KIAA1217: variants seen among roughly 807,000 people sequenced by gnomAD.
The protein encoded by KIAA1217 is sickle tail protein homolog.
KIAA1217 carries 88 observed loss-of-function variants against 163.9 expected under a neutral mutation model. The observed-to-expected ratio is 0.54, with a 90% CI of 0.45 to 0.64. KIAA1217 has a LOEUF of 0.64. KIAA1217 is among the 30% of genes least tolerant of loss of function. The pLI is 0.00. For synonymous variants in KIAA1217, 903 were observed against 923.1 expected (o/e 0.98, Z 0.39); for missense variants, 2,372 against 2,475.0 (o/e 0.96, Z 0.88).
intron 2 of KIAA1217, among the ~76,000 whole-genome samples, chr10:24,129,958 G>A (rs935434701): frequency 3.3e-5 from 5 of 151,908 alleles, no homozygotes; most frequent in Admixed American, 6.6e-5. Flanking sequence ...CCCCTGTCCC[G>A]CATAACCTTT....
chr10:24,302,182 A>AT lies in KIAA1217; in HGVS notation c.355-78683dup, dbSNP rs111821331. On this transcript the variant is annotated intron_variant, in intron 2 of 20. Coordinates refer to ENST00000376454, the MANE Select transcript of KIAA1217 (RefSeq NM_019590.5). ...GTAAAAAGCATACAGTTTATATAGC[A>AT]TTTTCACTTAGCACCCTCCACCTAG... Among the ~76,000 whole-genome samples, 592 of 152,294 alleles carry AT rather than the reference A, an allele frequency of 3.9e-3. 6 individuals carry two copies. Among genetic ancestry groups the AT allele is most frequent in the African/African-American group, 0.013 (551 of 41,546 alleles).
chr10:23,964,680 C>T (rs534333691), intron 1 of KIAA1217, among the ~76,000 whole-genome samples: 13 of 152,150 alleles, frequency 8.5e-5, no homozygotes, highest in South Asian at 8.3e-4. Flanking sequence ...CTCAGCCTCC[C>T]GAGTAGCTGG....
chr10:23,925,240 G>A (rs1452591814), intron 1 of KIAA1217, among the ~76,000 whole-genome samples: 3 of 152,126 alleles, frequency 2.0e-5, no homozygotes, highest in African/African-American at 7.2e-5. Context: ...ACTTACAAAG[G>A]CTGGCAATTT....
At chr10:23,894,401 G>C (rs1467059938) in intron 1 of KIAA1217, among the ~76,000 whole-genome samples, 2 of 149,476 alleles carry the variant, frequency 1.3e-5, no homozygotes, top group East Asian at 4.0e-4. Flanking sequence ...TTGCTTCAAA[G>C]AGAATAAAAT....
intron 1 of KIAA1217, among the ~76,000 whole-genome samples, chr10:23,987,785 T>C (rs75332207): frequency 0.022 from 3,353 of 152,288 alleles, 48 homozygotes; most frequent in Middle Eastern, 0.071. Context: ...GACCAACATC[T>C]TCCCAGCTCC....
At position 23,916,745 on chromosome 10, in the gene KIAA1217, G is replaced by A. The variant is rs577810805; in HGVS notation, c.-320-90480G>A. Among the ~76,000 whole-genome samples the A allele has an allele frequency of 7.9e-5, 12 of 151,942 alleles. No homozygotes were observed. In the South Asian group the frequency reaches 8.3e-4, roughly 11 times the overall value. ...TCTCAGCACTTAGGGAGGCTGAGGC[G>A]GGCAGATCACGAGGTCAGAAGATCA... On this transcript the variant is annotated intron_variant, in intron 1 of 18. Coordinates refer to the KIAA1217 transcript ENST00000376462.
chr10:24,099,905 T>C (rs2062341078), intron 2 of KIAA1217, among the ~76,000 whole-genome samples: 2 of 152,072 alleles, frequency 1.3e-5, no homozygotes, highest in South Asian at 4.2e-4. Flanking sequence ...ACTGCAGAGA[T>C]GATTCCCACC....
intron 1 of KIAA1217, among the ~76,000 whole-genome samples, chr10:23,882,368 G>A (rs1589008084): frequency 6.6e-6 from 1 of 151,840 alleles, no homozygotes; most frequent in Non-Finnish European, 1.5e-5. Context: ...CTACCTAGAA[G>A]GGACTGCATA....
intron 2 of KIAA1217, among the ~76,000 whole-genome samples, chr10:24,178,129 G>A (rs1407147478): frequency 1.3e-5 from 2 of 152,190 alleles, no homozygotes; most frequent in Non-Finnish European, 2.9e-5. Context: ...ATGTCATTTA[G>A]CATTGTTTTA....
chr10:24,172,354 T>C, intron 2 of KIAA1217, among the ~76,000 whole-genome samples: 1 of 152,174 alleles, frequency 6.6e-6, no homozygotes, highest in East Asian at 1.9e-4. Flanking sequence ...AGAGACAAGA[T>C]AGACTGCTCT....
chr10:24,323,609 C>CGGCTTCT (rs1349292159), intron 2 of KIAA1217, among the ~76,000 whole-genome samples: 41 of 152,238 alleles, frequency 2.7e-4, no homozygotes, highest in African/African-American at 8.9e-4. Flanking sequence ...ACAGCCTAAT[C>CGGCTTCT]GGCTTCTGGC....
At chr10:24,235,118 A>T (rs2072046505) in intron 2 of KIAA1217, among the ~76,000 whole-genome samples, 1 of 152,184 alleles carries the variant, frequency 6.6e-6, no homozygotes, top group African/African-American at 2.4e-5. Context: ...TAAGGTCTTC[A>T]ACTGATTAAA....
chr10:24,450,997 G>T (rs2061336110), intron 5 of KIAA1217, among the ~76,000 whole-genome samples: 1 of 152,076 alleles, frequency 6.6e-6, no homozygotes, highest in Non-Finnish European at 1.5e-5. Flanking sequence ...TTTTATTTTA[G>T]ATCTGTAGCA....
At chr10:24,442,300 C>T (rs1212372493) in intron 5 of KIAA1217, among the ~76,000 whole-genome samples, 1 of 152,172 alleles carries the variant, frequency 6.6e-6, no homozygotes, top group Non-Finnish European at 1.5e-5. Context: ...CATTCCCTAA[C>T]TCTTCTTCCT....
chr10:24,542,653 G>A (rs2075266075), intron 17 of KIAA1217, 40 bp from the exon 18 acceptor site: 2 of 1,600,328 alleles, frequency 1.2e-6, no homozygotes, highest in East Asian at 2.2e-5. Context: ...TTGGGGGGAT[G>A]TGGTTTTGTG....
At chr10:24,178,148 T>C (rs1326642) in intron 2 of KIAA1217, among the ~76,000 whole-genome samples, 106,744 of 152,114 alleles carry the variant, frequency 0.7, 37,896 homozygotes, top group Middle Eastern at 0.8. Context: ...TACCATTATC[T>C]CTGACATTAT....
At chr10:23,996,542 C>T (rs925392796) in intron 1 of KIAA1217, among the ~76,000 whole-genome samples, 4 of 151,938 alleles carry the variant, frequency 2.6e-5, no homozygotes, top group East Asian at 3.9e-4. Context: ...AGTAAATGTT[C>T]GCTGAAAGAA....
intron 1 of KIAA1217, among the ~76,000 whole-genome samples, chr10:23,954,778 G>T (rs1844486970): frequency 6.6e-6 from 1 of 152,170 alleles, no homozygotes; most frequent in Non-Finnish European, 1.5e-5. Flanking sequence ...TCCTCAGTTT[G>T]CAGATAAGAA....
chr10:23,772,893 C>T (rs1334393543), intron 1 of KIAA1217, among the ~76,000 whole-genome samples: 1 of 152,194 alleles, frequency 6.6e-6, no homozygotes, highest in Non-Finnish European at 1.5e-5. Flanking sequence ...AAGTGTAGTA[C>T]ACACAAACAG....
Sources: allele counts gnomAD v4.1 joint callset (sites outside exome capture counted in the v4.1 genomes callset), GRCh38; gene constraint gnomAD v4.1.1; transcripts MANE v1.5; gene names NCBI Gene and HGNC (gene_info 2026-07-23, HGNC 2026-07-21).